The following ERC2 variants were observed in gnomAD, a reference collection of about 807,000 sequenced individuals.
ERC2 encodes the protein ELKS/RAB6-interacting/CAST family member 2, also known as ERC protein 2.
A neutral mutation model predicts 114.8 loss-of-function variants in ERC2; 42 were observed. The ratio of observed to expected loss-of-function variants is 0.37; its 90% confidence interval spans 0.29 to 0.47. The LOEUF (loss-of-function observed/expected upper bound fraction) is 0.47. ERC2 is among the 20% of genes least tolerant of loss of function. ERC2 has a pLI of 0.99. For missense variants in ERC2, 939 were observed against 1,150.7 expected (o/e 0.82, Z 2.66); for synonymous variants, 454 against 425.5 (o/e 1.07, Z -0.82).
intron 14 of ERC2, among the ~76,000 whole-genome samples, chr3:55,802,598 T>C (rs976254586): frequency 6.6e-6 from 1 of 152,250 alleles, no homozygotes; most frequent in African/African-American, 2.4e-5. Context: ...AAGAAATATT[T>C]GGTTTTCATG....
chr3:55,993,435 T>C (rs1232787174), intron 10 of ERC2, among the ~76,000 whole-genome samples: 1 of 152,164 alleles, frequency 6.6e-6, no homozygotes, highest in African/African-American at 2.4e-5. Flanking sequence ...GAATGAATCA[T>C]GCATGGTTAG....
chr3:56,201,947 A>G (rs2048432471), intron 3 of ERC2, among the ~76,000 whole-genome samples: 1 of 152,238 alleles, frequency 6.6e-6, no homozygotes, highest in Non-Finnish European at 1.5e-5. Flanking sequence ...ATGCTTAGCT[A>G]CATGAGAAGC....
At chr3:55,803,508 A>G (rs1049474202) in intron 14 of ERC2, among the ~76,000 whole-genome samples, 1 of 151,492 alleles carries the variant, frequency 6.6e-6, no homozygotes, top group South Asian at 2.1e-4. Flanking sequence ...ACTGATGAAT[A>G]TTTACTATGA....
intron 10 of ERC2, among the ~76,000 whole-genome samples, chr3:56,004,248 A>G (rs1576526829): frequency 6.6e-6 from 1 of 152,070 alleles, no homozygotes; most frequent in South Asian, 2.1e-4. Flanking sequence ...AAAATGATCC[A>G]TACGTCAATT....
chr3:56,402,895 G>A (rs1287425744), intron 2 of ERC2, among the ~76,000 whole-genome samples: 1 of 152,008 alleles, frequency 6.6e-6, no homozygotes, highest in Non-Finnish European at 1.5e-5. Flanking sequence ...TGACATTTTG[G>A]GCTGGATAAT....
chr3:55,641,048 T>A (rs1041361310), intron 17 of ERC2, among the ~76,000 whole-genome samples: 2 of 152,172 alleles, frequency 1.3e-5, no homozygotes, highest in African/African-American at 4.8e-5. Flanking sequence ...ATCTGGGGTG[T>A]CCATACTGCT....
At chr3:56,154,233 A>G (rs1240031929) in intron 4 of ERC2, among the ~76,000 whole-genome samples, 1 of 152,126 alleles carries the variant, frequency 6.6e-6, no homozygotes, top group Non-Finnish European at 1.5e-5. Flanking sequence ...TAGGCCTAAG[A>G]CATATTAGTA....
rs1388042200 is a variant in ERC2, at chr3:55,887,453, A to G, written c.2564+936T>C. ...AGGTCACTTCCATACCTAGCCACCA[A>G]TTTCAAAGTCTGTGTTATAGGCTTA... is the stretch of plus-strand genomic sequence containing the variant. On this transcript the variant is annotated intron_variant, in intron 14 of 17. Transcript: ENST00000288221. Among the ~76,000 whole-genome samples, 2 of 151,814 alleles carry G rather than the reference A, an allele frequency of 1.3e-5. 1 individual carries two copies.
intron 3 of ERC2, among the ~76,000 whole-genome samples, chr3:56,192,059 CTG>C (rs1275333270): frequency 1.3e-5 from 2 of 152,148 alleles, no homozygotes; most frequent in African/African-American, 2.4e-5. Context: ...GGCAAGAAAA[CTG>C]AGAAAACTAA....
chr3:55,776,139 ATTTGTT>A (rs2068594208), intron 14 of ERC2, among the ~76,000 whole-genome samples: 3 of 149,116 alleles, frequency 2.0e-5, no homozygotes, highest in South Asian at 2.1e-4. Context: ...TTAGAATGTT[ATTTGTT>A]GTTGTTGTTG....
intron 4 of ERC2, among the ~76,000 whole-genome samples, chr3:56,149,726 TAC>T (rs1301840079): frequency 1.3e-5 from 2 of 152,192 alleles, no homozygotes; most frequent in Non-Finnish European, 2.9e-5. Flanking sequence ...TTGGAAATAA[TAC>T]ATCACAATGT....
intron 14 of ERC2, among the ~76,000 whole-genome samples, chr3:55,792,121 A>G (rs532069022): frequency 6.6e-6 from 1 of 152,352 alleles, no homozygotes; most frequent in South Asian, 2.1e-4. Flanking sequence ...ACAGACTATA[A>G]CAGACTATAA....
intron 4 of ERC2, among the ~76,000 whole-genome samples, chr3:56,170,228 T>C (rs531251222): frequency 6.6e-6 from 1 of 152,344 alleles, no homozygotes; most frequent in East Asian, 1.9e-4. Context: ...CATTTTTCAT[T>C]AGGTAACTTC....
At chr3:55,909,905 T>C (rs1322084675) in intron 13 of ERC2, among the ~76,000 whole-genome samples, 1 of 152,204 alleles carries the variant, frequency 6.6e-6, no homozygotes, top group Non-Finnish European at 1.5e-5. Flanking sequence ...CCAATGATAA[T>C]CATTTACGTG....
intron 6 of ERC2, among the ~76,000 whole-genome samples, chr3:56,119,402 T>C (rs2149852112): frequency 6.6e-6 from 1 of 152,362 alleles, no homozygotes; most frequent in Middle Eastern, 3.4e-3. Context: ...GTGTGATTTC[T>C]ATCCACCAGG....
chr3:55,628,943 A>T (rs1441618700), intron 17 of ERC2, among the ~76,000 whole-genome samples: 2 of 152,266 alleles, frequency 1.3e-5, no homozygotes, highest in African/African-American at 4.8e-5. Context: ...AAATCTGGAC[A>T]CCAAGAACCT....
intron 13 of ERC2, among the ~76,000 whole-genome samples, chr3:55,901,976 T>C (rs980915904): frequency 2.0e-5 from 3 of 152,218 alleles, no homozygotes; most frequent in Admixed American, 6.5e-5. Flanking sequence ...ATAATTGTGT[T>C]CCCTTTTTAT....
chr3:56,166,356 T>C (rs185825128), intron 4 of ERC2, among the ~76,000 whole-genome samples: 2 of 152,038 alleles, frequency 1.3e-5, no homozygotes, highest in African/African-American at 2.4e-5. Context: ...TTGCTGGGTA[T>C]GAATATCAAA....
chr3:56,089,424 T>C (rs1489210712), intron 6 of ERC2, among the ~76,000 whole-genome samples: 1 of 152,136 alleles, frequency 6.6e-6, no homozygotes, highest in Non-Finnish European at 1.5e-5. Context: ...ATTTGTACTT[T>C]TACATTTTTT....
Sources: gnomAD v4.1 joint callset for allele counts (sites outside exome capture counted in the v4.1 genomes callset) on GRCh38, gnomAD v4.1.1 for gene constraint, MANE v1.5 for transcripts, NCBI Gene and HGNC (gene_info 2026-07-23, HGNC 2026-07-21) for gene names.